The following PNPO variants were observed in gnomAD, a reference collection of about 807,000 sequenced individuals.
The protein encoded by PNPO is pyridoxamine 5'-phosphate oxidase, also known as pyridoxine-5'-phosphate oxidase.
In PNPO, 39 loss-of-function variants were observed where a neutral mutation model predicts 35.0. The ratio of observed to expected loss-of-function variants is 1.11; its 90% CI spans 0.86 to 1.45. The LOEUF (loss-of-function observed/expected upper bound fraction) is 1.45. Ranked by LOEUF, PNPO falls within the 40% of genes most tolerant of loss-of-function variation. PNPO has a pLI of 0.00. For missense variants in PNPO, 288 were observed against 340.0 expected (o/e 0.85, Z 1.20); for synonymous variants, 115 against 119.8 (o/e 0.96, Z 0.26).
rs575866429 is a variant in PNPO at position 47,946,907 on chromosome 17, C to A, written c.*125C>A. The A allele has an allele frequency of 2.5e-5, 21 of 826,852 alleles. No individual in the cohort carries two copies. The East Asian group carries it at 5.5e-4, about 22-fold the overall frequency. The allele number at this position is 826,852 out of a possible 1,614,324, so 51.2% of individuals were successfully genotyped here. A position where few individuals can be genotyped will look rare whatever the true frequency, so the allele number is the denominator to read the frequency against. On this transcript the variant is annotated 3_prime_UTR_variant, in exon 7 of 7. Coordinates refer to ENST00000642017, the MANE Select transcript of PNPO (RefSeq NM_018129.4). Reference sequence around the variant, plus strand: ...CTCCCTACCCCTTATCTTCAGGACTCTTCAGAGCTAATCCTCTAAGTTCTC... The same window carrying A: ...CTCCCTACCCCTTATCTTCAGGACTATTCAGAGCTAATCCTCTAAGTTCTC...
Position 47,945,194 on chromosome 17 carries a change from AGTGGG to A in PNPO, c.364-364_364-360del. On this transcript the variant is annotated intron_variant, in intron 3 of 6. Transcript: ENST00000642017. The surrounding 1 kb of genome is among the most constrained non-coding windows in gnomAD (Gnocchi z 4.0). ...GCACGTCTCCTGTTGTCAGACCCAGAGTGGGCACTTCGCGTGCATTCAATGAATGA... is the reference window on the plus strand; with the variant it reads ...GCACGTCTCCTGTTGTCAGACCCAGACACTTCGCGTGCATTCAATGAATGA... 2.6e-6 allele frequency: 1 copy of A among 388,586 alleles called. No homozygotes were observed. The highest frequency in any genetic ancestry group is 2.2e-5 in the South Asian group (1 of 46,080). 24.1% of individuals were successfully genotyped at this position (388,586 alleles called of 1,614,324 possible).
chr17:47,941,829 C>T lies in PNPO; in HGVS notation c.138+16C>T. ...GGACCGAGAGGTGCCGCCGCTAGGG[C>T]CAGGCCTCCTGCAGGGGCGGGGGAA... is the stretch of plus-strand genomic sequence containing the variant. On this transcript the variant is annotated intron_variant, in intron 1 of 6. Coordinates refer to ENST00000642017, the MANE Select transcript of PNPO (RefSeq NM_018129.4). 6.4e-7 allele frequency: 1 copy of T among 1,556,928 alleles called. No individual in the cohort carries two copies. Among genetic ancestry groups the T allele is most frequent in the Non-Finnish European group, 8.7e-7 (1 of 1,148,574 alleles).
At chr17:47,942,771 T>C (rs1395592781) in intron 1 of PNPO, among the ~76,000 whole-genome samples, 1 of 151,952 alleles carries the variant, frequency 6.6e-6, no homozygotes, top group East Asian at 1.9e-4. Context: ...CTACAAAAAA[T>C]TAAAATTAGT....
At chr17:47,944,978 A>G in intron 3 of PNPO, 1 of 534,832 alleles carries the variant, frequency 1.9e-6, no homozygotes, top group Non-Finnish European at 3.4e-6. Flanking sequence ...GCCTTCCTTG[A>G]CTCTCACTCA....
chr17:47,945,127 T>C lies in PNPO; in HGVS notation c.363+412T>C. ...CTCCTCTGCTCAACAGTAAGCTCTG[T>C]AGGAGTGGAGGCTGCTCTGTTTTAT... is the stretch of plus-strand genomic sequence containing the variant. On this transcript the variant is annotated intron_variant, in intron 3 of 6. Coordinates refer to ENST00000642017, the MANE Select transcript of PNPO (RefSeq NM_018129.4). This position sits in a 1 kb window ranked among gnomAD's most constrained non-coding sequence, Gnocchi z 4.0. 1 of 379,780 alleles carries C rather than the reference T, an allele frequency of 2.6e-6. No individual in the cohort carries two copies. The allele number at this position is 379,780 out of a possible 1,614,324, so 23.5% of individuals were successfully genotyped here. A position where few individuals can be genotyped will look rare whatever the true frequency, so the allele number is the denominator to read the frequency against.
chr17:47,943,305 G>A lies in PNPO; in HGVS notation c.139-1G>A. 6.2e-7 allele frequency: 1 copy of A among 1,612,328 alleles called. No individual in the cohort carries two copies. Among genetic ancestry groups the A allele is most frequent in the Non-Finnish European group, 8.5e-7 (1 of 1,178,590 alleles). On this transcript the variant is annotated splice_acceptor_variant, in intron 1 of 6. Coordinates refer to ENST00000642017, the MANE Select transcript of PNPO (RefSeq NM_018129.4). LOFTEE classifies it high-confidence loss of function. ...TAAATGAAATAAATCTCCTTTCCTA[G>A]GCATTTGAGGAGACTCATCTGACCT...
chr17:47,946,684 A>C lies in PNPO; in HGVS notation c.688A>C (p.Ile230Leu). 2 of 1,614,204 alleles carry C rather than the reference A, an allele frequency of 1.2e-6. No individual in the cohort carries two copies. Among genetic ancestry groups the C allele is most frequent in the Non-Finnish European group, 1.7e-6 (2 of 1,180,022 alleles). ...TCAAACCAACCGCCTGCATGACCGG[A>C]TAGTCTTTCGGCGGGGCCTACCCAC... The part of the protein sequence containing the change: ...QGQTNRLHDR[I>L]VFRRGLPTGD... The change falls in exon 7 of 7, where the codon ATA becomes CTA. Residue 230 changes from isoleucine to leucine, a missense_variant. Coordinates refer to ENST00000642017, the MANE Select transcript of PNPO (RefSeq NM_018129.4).
In PNPO at chr17:47,941,956, C is replaced by T. The variant is rs147883701; in HGVS notation, c.138+143C>T. On this transcript the variant is annotated intron_variant, in intron 1 of 6. Coordinates refer to ENST00000642017, the MANE Select transcript of PNPO (RefSeq NM_018129.4). ...GGCAAGGAGGTTTGAGGATCACCCCCCGTGGGAAAAGGGGGCTTCAAAGAC... is the reference window on the plus strand; with the variant it reads ...GGCAAGGAGGTTTGAGGATCACCCCTCGTGGGAAAAGGGGGCTTCAAAGAC... 43,942 of 1,345,920 alleles carry T rather than the reference C, an allele frequency of 0.033. 885 individuals carry two copies. Among genetic ancestry groups the T allele is most frequent in the Middle Eastern group, 0.097 (347 of 3,564 alleles). 83.4% of individuals were successfully genotyped at this position (1,345,920 alleles called of 1,614,324 possible).
chr17:47,943,332 C>A lies in PNPO; in HGVS notation c.165C>A (p.Ser55=). 1 of 1,613,656 alleles carries A rather than the reference C, an allele frequency of 6.2e-7. No homozygotes were observed. The highest frequency in any genetic ancestry group is 1.1e-5 in the South Asian group (1 of 91,052). The part of the protein sequence containing the change: ...REAFEETHLT[S]LDPVKQFAAW... The stretch of plus-strand genomic sequence containing the variant: ...CATTTGAGGAGACTCATCTGACCTC[C>A]CTTGACCCAGTGAAACAGTTTGCTG... Residue 55 remains serine, a synonymous_variant, in exon 2 of 7, where the codon TCC becomes TCA. Coordinates refer to ENST00000642017, the MANE Select transcript of PNPO (RefSeq NM_018129.4).
chr17:47,946,201 C>G, intron 5 of PNPO, 122 bp from the exon 6 acceptor site: 1 of 1,012,370 alleles, frequency 9.9e-7, no homozygotes, highest in Admixed American at 1.8e-5. Flanking sequence ...GTTGACTGCT[C>G]CTGGAGGACA....
chr17:47,944,757 G>A (rs2035987114), intron 3 of PNPO, 42 bp downstream of exon 3: 2 of 1,519,884 alleles, frequency 1.3e-6, no homozygotes, highest in African/African-American at 2.7e-5. Flanking sequence ...GGCCTGCAGG[G>A]TTTGGCTCTT....
intron 5 of PNPO, 144 bp from the exon 6 acceptor site, chr17:47,946,179 T>C: frequency 1.0e-6 from 1 of 997,484 alleles, no homozygotes; most frequent in Non-Finnish European, 1.6e-6. Context: ...CCTCTGTCCA[T>C]CTGGCCATCC....
At chr17:47,942,003 CGG>C (rs1324109525) in intron 1 of PNPO, 190 bp downstream of exon 1, 1 of 1,322,530 alleles carries the variant, frequency 7.6e-7, no homozygotes, top group Admixed American at 3.3e-5. Context: ...GGAGGAGTTC[CGG>C]GGAAACGCAA....
Position 47,941,721 on chromosome 17 carries a change from GC to G in PNPO, c.48del (p.Glu17SerfsTer37). 6.5e-7 allele frequency: 1 copy of G among 1,545,942 alleles called. No homozygotes were observed. Among genetic ancestry groups the G allele is most frequent in the Non-Finnish European group, 8.7e-7 (1 of 1,143,412 alleles). On this transcript the variant is annotated frameshift_variant, in exon 1 of 7. Transcript: ENST00000642017. LOFTEE classifies it high-confidence loss of function. Reference protein sequence around the residue: ...RGVTATFGRPAEWPGYLSHLC... With the variant: ...RGVTATFGRPXEWPGYLSHLC... Reference sequence around the variant, plus strand: ...CGTCACGGCGACGTTCGGGCGACCTGCCGAGTGGCCAGGCTACCTCAGTCAC... The same window carrying G: ...CGTCACGGCGACGTTCGGGCGACCTGCGAGTGGCCAGGCTACCTCAGTCAC...
intron 2 of PNPO, among the ~76,000 whole-genome samples, chr17:47,943,801 C>T (rs565133599): frequency 6.6e-6 from 1 of 152,308 alleles, no homozygotes; most frequent in South Asian, 2.1e-4. Context: ...TATATCATTC[C>T]TTTGACAATC....
At chr17:47,946,425 GAC>G in intron 6 of PNPO, 32 bp downstream of exon 6, 1 of 1,540,040 alleles carries the variant, frequency 6.5e-7, no homozygotes, top group South Asian at 1.1e-5. Context: ...TCTAGAAAGG[GAC>G]ACCAGGCCCC....
At chr17:47,943,554 GGCA>G (rs989378964) in intron 2 of PNPO, 124 bp downstream of exon 2, 2 of 1,203,904 alleles carry the variant, frequency 1.7e-6, no homozygotes, top group Non-Finnish European at 2.4e-6. Flanking sequence ...TGTGGCTTTA[GGCA>G]AGATACTTGT....
In PNPO at chr17:47,941,589, G is replaced by C. The variant is rs2144155275; in HGVS notation, c.-87G>C. 2 of 1,430,900 alleles carry C rather than the reference G, an allele frequency of 1.4e-6. No individual in the cohort carries two copies. The highest frequency in any genetic ancestry group is 1.8e-6 in the Non-Finnish European group (2 of 1,084,256). The allele number at this position is 1,430,900 out of a possible 1,614,324, so 88.6% of individuals were successfully genotyped here. A position where few individuals can be genotyped will look rare whatever the true frequency, so the allele number is the denominator to read the frequency against. On this transcript the variant is annotated 5_prime_UTR_variant, in exon 1 of 7. Coordinates refer to ENST00000642017, the MANE Select transcript of PNPO (RefSeq NM_018129.4). The stretch of plus-strand genomic sequence containing the variant: ...GACTGGCAAATCCTTCCTTCCCCGG[G>C]GTAGAAGTCCAGGGTGAGAAATTGG...
chr17:47,945,977 C>T lies in PNPO; in HGVS notation c.534C>T (p.Ile178=), dbSNP rs1473185475. Residue 178 remains isoleucine, a synonymous_variant, in exon 5 of 7, where the codon ATC becomes ATT. Coordinates refer to ENST00000642017, the MANE Select transcript of PNPO (RefSeq NM_018129.4). This position sits in a 1 kb window ranked among gnomAD's most constrained non-coding sequence, Gnocchi z 4.0. The part of the protein sequence containing the change: ...GAVVSHQSSV[I]PDREYLRKKN... Reference sequence around the variant, plus strand: ...TGGTCAGCCACCAGAGTTCTGTGATCCCTGATCGGGAGGTGAGTGGAGCTC... The same window carrying T: ...TGGTCAGCCACCAGAGTTCTGTGATTCCTGATCGGGAGGTGAGTGGAGCTC... 6.2e-7 allele frequency: 1 copy of T among 1,613,818 alleles called. No individual in the cohort carries two copies. Among genetic ancestry groups the T allele is most frequent in the African/African-American group, 1.3e-5 (1 of 74,932 alleles).
Sources: gnomAD v4.1 joint callset for allele counts (sites outside exome capture counted in the v4.1 genomes callset) on GRCh38, gnomAD v4.1.1 for gene constraint, Gnocchi (gnomAD v3.1) non-coding constraint, MANE v1.5 for transcripts, NCBI Gene and HGNC (gene_info 2026-07-23, HGNC 2026-07-21) for gene names.